TRIM16: variants seen among roughly 807,000 people sequenced by gnomAD.
TRIM16 encodes tripartite motif-containing protein 16.
Under a neutral mutation model 50.4 loss-of-function variants are expected in TRIM16, and 33 were observed. That is an observed-to-expected ratio of 0.65 (90% CI 0.50 to 0.88). TRIM16 has a LOEUF of 0.88. Among genes scored for constraint, TRIM16 ranks in the 40% least tolerant of loss-of-function variants. TRIM16 has a pLI of 0.00. For synonymous variants in TRIM16, 229 were observed against 270.7 expected (o/e 0.85, Z 1.51); for missense variants, 581 against 686.8 (o/e 0.85, Z 1.72).
At chr17:15,650,761 ACTT>A (rs1987650100) in intron 7 of TRIM16, among the ~76,000 whole-genome samples, 1 of 152,076 alleles carries the variant, frequency 6.6e-6, no homozygotes, top group Admixed American at 6.6e-5. Flanking sequence ...AGCCCCCACA[ACTT>A]CTGCACCCTC....
chr17:15,655,144 G>A (rs1987913549), intron 6 of TRIM16, among the ~76,000 whole-genome samples: 1 of 152,206 alleles, frequency 6.6e-6, no homozygotes, highest in Non-Finnish European at 1.5e-5. Flanking sequence ...GTTTTCTCCA[G>A]TATTAATGGA....
chr17:15,644,594 G>T (rs1987269030), intron 7 of TRIM16, among the ~76,000 whole-genome samples: 1 of 152,118 alleles, frequency 6.6e-6, no homozygotes, highest in Admixed American at 6.5e-5. Flanking sequence ...CCCTGGAGGA[G>T]ATCAGGGAGA....
intron 7 of TRIM16, among the ~76,000 whole-genome samples, chr17:15,649,179 TAAG>T (rs111445874): frequency 0.085 from 12,918 of 152,082 alleles, 1,658 homozygotes; most frequent in African/African-American, 0.28. Flanking sequence ...TGCAAGGAAA[TAAG>T]AAAGTGTAGA....
At chr17:15,678,629 A>G (rs1454319371) in intron 4 of TRIM16, among the ~76,000 whole-genome samples, 1 of 152,198 alleles carries the variant, frequency 6.6e-6, no homozygotes, top group Non-Finnish European at 1.5e-5. Flanking sequence ...CCATCCTATC[A>G]ATCTATATAC....
Position 15,642,734 on chromosome 17 carries a change from T to C in TRIM16, c.602A>G (p.Gln201Arg). 1 of 858,448 alleles carries C rather than the reference T, an allele frequency of 1.2e-6. No individual in the cohort carries two copies. Among genetic ancestry groups the C allele is most frequent in the Non-Finnish European group, 1.7e-6 (1 of 577,020 alleles). The allele number at this position is 858,448 out of a possible 1,614,324, so 53.2% of individuals were successfully genotyped here. A position where few individuals can be genotyped will look rare whatever the true frequency, so the allele number is the denominator to read the frequency against. ...ENAISRLQAN[Q>R]KSVLVSVSEV... ...GGCTGGTCTTACCAGAACAGACTTT[T>C]GGTTAGCCTGGAGCCTGGAGATGGC... The change falls in exon 8 of 12, where the codon CAA (glutamine) becomes CGA (arginine). Residue 201 changes from glutamine (Q) to arginine (R), a missense_variant. This residue lies in a region of TRIM16 where 450 missense variants were observed against 544.3 expected (regional missense o/e 0.83). Transcript: ENST00000649191.
At chr17:15,675,736 T>C in intron 6 of TRIM16, 1 of 178,000 alleles carries the variant, frequency 5.6e-6, no homozygotes, top group East Asian at 1.6e-4. Context: ...CCTGTGTATA[T>C]ACACATACGT....
chr17:15,636,375 AG>A (rs1461528086), intron 8 of TRIM16, 106 bp from the exon 9 acceptor site: 23 of 1,182,822 alleles, frequency 1.9e-5, no homozygotes, highest in Non-Finnish European at 2.8e-5. Context: ...CACATATATT[AG>A]GGAGCAGTTC....
At chr17:15,631,050 A>G (rs574075867) in intron 11 of TRIM16, among the ~76,000 whole-genome samples, 234 of 152,134 alleles carry the variant, frequency 1.5e-3, no homozygotes, top group African/African-American at 5.2e-3. Context: ...GACCAAGTCA[A>G]TAACACTTAA....
intron 10 of TRIM16, 170 bp from the exon 11 acceptor site, chr17:15,631,884 A>G: frequency 1.5e-6 from 1 of 648,814 alleles, no homozygotes; most frequent in Non-Finnish European, 2.7e-6. Context: ...TTCATAGGTA[A>G]GGCATAAACC....
Position 15,629,195 on chromosome 17 carries a change from G to T in TRIM16, c.1115C>A (p.Ala372Glu). 6.3e-7 allele frequency: 1 copy of T among 1,598,310 alleles called. No homozygotes were observed. The highest frequency in any genetic ancestry group is 8.5e-7 in the Non-Finnish European group (1 of 1,170,288). ...GTCCGGGTCAAACGTGATGTCATACGCATCTGAGGAGACACAGAAGGCAGG... is the reference window on the plus strand; with the variant it reads ...GTCCGGGTCAAACGTGATGTCATACTCATCTGAGGAGACACAGAAGGCAGG... ...PSTREQFLQY[A>E]YDITFDPDTA... Residue 372 changes from alanine to glutamate, a missense_variant, in exon 12 of 12, where the codon GCG (alanine) becomes GAG (glutamate). Physicochemically the swap from Ala to Glu is moderately radical, Grantham distance 107 (BLOSUM62 -1). This residue lies in a region of TRIM16 where 450 missense variants were observed against 544.3 expected (regional missense o/e 0.83). Transcript: ENST00000649191.
Position 15,651,776 on chromosome 17 carries a change from G to A in TRIM16, c.-167C>T, listed in dbSNP as rs1307060733. 1.3e-5 allele frequency: 19 copies of A among 1,477,228 alleles called. No individual in the cohort carries two copies. The highest frequency in any genetic ancestry group is 2.8e-5 in the African/African-American group (2 of 71,178). The allele number at this position is 1,477,228 out of a possible 1,614,324, so 91.5% of individuals were successfully genotyped here. A position where few individuals can be genotyped will look rare whatever the true frequency, so the allele number is the denominator to read the frequency against. On this transcript the variant is annotated 5_prime_UTR_variant, in exon 7 of 12. Coordinates refer to ENST00000649191, the MANE Select transcript of TRIM16 (RefSeq NM_001348119.1). ...CGGCCACTCATTACTGTGTGCTGGC[G>A]CTGGATGGCAGCCAGATGCGATGAC...
chr17:15,640,877 C>T (rs886528828), intron 8 of TRIM16, among the ~76,000 whole-genome samples: 1 of 148,636 alleles, frequency 6.7e-6, no homozygotes, highest in Non-Finnish European at 1.5e-5. Flanking sequence ...TGCCCGCTCC[C>T]GATGACCTCC....
At chr17:15,664,409 G>T (rs1380367506) in intron 6 of TRIM16, among the ~76,000 whole-genome samples, 3 of 152,206 alleles carry the variant, frequency 2.0e-5, no homozygotes, top group Non-Finnish European at 4.4e-5. Flanking sequence ...GAGAGTGAAA[G>T]TAATGAAAGC....
chr17:15,657,705 T>G (rs565290949), intron 6 of TRIM16, among the ~76,000 whole-genome samples: 5 of 152,236 alleles, frequency 3.3e-5, no homozygotes, highest in Non-Finnish European at 5.9e-5. Flanking sequence ...TATCGTAGCA[T>G]GCATCTGAAT....
chr17:15,638,257 T>TAAAAAAA lies in TRIM16; in HGVS notation c.616-1989_616-1988insTTTTTTT, dbSNP rs1986941005. Among the ~76,000 whole-genome samples the TAAAAAAA allele has an allele frequency of 9.5e-4, 112 of 117,606 alleles. 2 individuals carry two copies. The highest frequency in any genetic ancestry group is 4.8e-3 in the African/African-American group (100 of 21,004). 77.2% of individuals were successfully genotyped at this position (117,606 alleles called of 152,430 possible). ...AAGAATTATCAATAAAAAAATAAAT[T>TAAAAAAA]TAAAAAAAAAAAAAAAAAAGAATTG... is the stretch of plus-strand genomic sequence containing the variant. On this transcript the variant is annotated intron_variant, in intron 8 of 11. Coordinates refer to ENST00000649191, the MANE Select transcript of TRIM16 (RefSeq NM_001348119.1).
At chr17:15,632,794 A>G in intron 9 of TRIM16, 120 bp from the exon 10 acceptor site, 2 of 1,289,950 alleles carry the variant, frequency 1.6e-6, no homozygotes, top group Non-Finnish European at 2.1e-6. Flanking sequence ...TGTCCTTCAC[A>G]AAGAAAGTAC....
chr17:15,646,865 A>G (rs1184934035), intron 7 of TRIM16, among the ~76,000 whole-genome samples: 10 of 152,168 alleles, frequency 6.6e-5, no homozygotes, highest in Non-Finnish European at 1.2e-4. Context: ...GTCACATAGG[A>G]CACACACTGC....
chr17:15,664,600 C>A (rs571630752), intron 6 of TRIM16, among the ~76,000 whole-genome samples: 1 of 152,196 alleles, frequency 6.6e-6, no homozygotes, highest in African/African-American at 2.4e-5. Flanking sequence ...CTCTTCCCAG[C>A]AGGATCCATC....
At chr17:15,650,994 T>G in intron 7 of TRIM16, 97 bp downstream of exon 7, 1 of 1,489,674 alleles carries the variant, frequency 6.7e-7, no homozygotes, top group Non-Finnish European at 9.1e-7. Flanking sequence ...GCTCAGAGCA[T>G]AGTAGTGGCG....
Sources: allele counts gnomAD v4.1 joint callset (sites outside exome capture counted in the v4.1 genomes callset), GRCh38; gene constraint gnomAD v4.1.1; regional missense constraint gnomAD v4.1.1; transcripts MANE v1.5; gene names NCBI Gene and HGNC (gene_info 2026-07-23, HGNC 2026-07-21).